RRM2B: variants seen among roughly 807,000 people sequenced by gnomAD.
The protein encoded by RRM2B is ribonucleoside-diphosphate reductase subunit M2 B.
A neutral mutation model predicts 45.9 loss-of-function variants in RRM2B; 20 were observed. The ratio of observed to expected loss-of-function variants is 0.44; its 90% CI spans 0.31 to 0.63. The LOEUF (loss-of-function observed/expected upper bound fraction) is 0.63, where lower values mean the gene tolerates loss of function less well. Ranked by LOEUF, RRM2B falls within the 30% of genes least tolerant of loss-of-function variation. The pLI, the probability that RRM2B is intolerant of heterozygous loss-of-function variation, is 0.09. For synonymous variants in RRM2B, 124 were observed against 132.3 expected (o/e 0.94, Z 0.43); for missense variants, 320 against 414.7 (o/e 0.77, Z 1.98).
chr8:102,219,078 C>A (rs1810783549), intron 5 of RRM2B, 131 bp from the exon 6 acceptor site: 1 of 940,308 alleles, frequency 1.1e-6, no homozygotes, highest in African/African-American at 1.7e-5. Context: ...AGTGCCATGG[C>A]CAAAGATCTC....
rs886062563 is a variant in RRM2B at position 102,205,519 on chromosome 8, AT to A, written c.*2613del. ...CAAAACCCAGTCCTGTCTAAAAGCAATGGATCAAACTGTCTTCTCAAGTCCT... is the reference window on the plus strand; with the variant it reads ...CAAAACCCAGTCCTGTCTAAAAGCAAGGATCAAACTGTCTTCTCAAGTCCT... On this transcript the variant is annotated 3_prime_UTR_variant, in exon 9 of 9. Coordinates refer to ENST00000251810, the MANE Select transcript of RRM2B (RefSeq NM_015713.5). 4 of 152,160 alleles carry A rather than the reference AT, an allele frequency of 2.6e-5. No individual in the cohort carries two copies. Among genetic ancestry groups the A allele is most frequent in the Non-Finnish European group, 5.9e-5 (4 of 67,976 alleles). 9.4% of individuals were successfully genotyped at this position (152,160 alleles called of 1,614,324 possible).
intron 2 of RRM2B, among the ~76,000 whole-genome samples, chr8:102,231,099 G>A (rs139916306): frequency 1.2e-4 from 19 of 152,170 alleles, no homozygotes; most frequent in Non-Finnish European, 2.2e-4. Context: ...AACATATACA[G>A]AACAAGAGTG....
intron 5 of RRM2B, among the ~76,000 whole-genome samples, chr8:102,220,577 T>A (rs560792917): frequency 6.6e-6 from 1 of 152,308 alleles, no homozygotes; most frequent in South Asian, 2.1e-4. Flanking sequence ...TAGCTGGGAC[T>A]ACAGGCGTGC....
At chr8:102,235,485 G>A (rs1811103433) in intron 1 of RRM2B, among the ~76,000 whole-genome samples, 2 of 152,188 alleles carry the variant, frequency 1.3e-5, no homozygotes, top group Non-Finnish European at 2.9e-5. Context: ...CACCAAGCCA[G>A]GCGACAACAA....
At chr8:102,222,047 T>C (rs1300114568) in intron 5 of RRM2B, among the ~76,000 whole-genome samples, 2 of 152,114 alleles carry the variant, frequency 1.3e-5, no homozygotes, top group Non-Finnish European at 2.9e-5. Context: ...TTTACATATA[T>C]TGAGAACCAG....
intron 5 of RRM2B, chr8:102,219,149 C>G: frequency 3.4e-6 from 2 of 589,128 alleles, no homozygotes; most frequent in Non-Finnish European, 6.0e-6. Flanking sequence ...CCTTCAAATC[C>G]TCTGTCAGAC....
intron 6 of RRM2B, among the ~76,000 whole-genome samples, chr8:102,215,418 G>A (rs113261897): frequency 2.0e-5 from 3 of 149,224 alleles, no homozygotes; most frequent in African/African-American, 4.9e-5. Context: ...AAAAAAAAAA[G>A]GAAGAAAGAA....
intron 5 of RRM2B, among the ~76,000 whole-genome samples, chr8:102,220,568 A>T (rs1487365872): frequency 6.6e-6 from 1 of 152,174 alleles, no homozygotes; most frequent in Non-Finnish European, 1.5e-5. Context: ...CCTCTGACGT[A>T]GCTGGGACTA....
At chr8:102,238,580 G>T (rs780954366) in intron 1 of RRM2B, 2 of 1,524,742 alleles carry the variant, frequency 1.3e-6, no homozygotes, top group African/African-American at 1.4e-5. Context: ...GCCTCCAAGC[G>T]TCGTCCTTGG....
chr8:102,227,794 C>T (rs1810958827), intron 2 of RRM2B, among the ~76,000 whole-genome samples: 1 of 152,146 alleles, frequency 6.6e-6, no homozygotes, highest in South Asian at 2.1e-4. Flanking sequence ...CAGATGGCCA[C>T]CTTCTTGCTG....
intron 1 of RRM2B, 89 bp from the exon 2 acceptor site, chr8:102,232,393 C>T (rs28999694): frequency 4.2e-4 from 575 of 1,359,864 alleles, no homozygotes; most frequent in Non-Finnish European, 5.5e-4. Flanking sequence ...GTCAGGGAGA[C>T]GGCATTGGTT....
intron 7 of RRM2B, 34 bp downstream of exon 7, chr8:102,214,020 G>A: frequency 7.5e-7 from 1 of 1,329,500 alleles, no homozygotes; most frequent in Non-Finnish European, 1.1e-6. Flanking sequence ...CAGAGAAAGA[G>A]AGATGTGCTA....
At chr8:102,217,516 G>A (rs999375656) in intron 6 of RRM2B, among the ~76,000 whole-genome samples, 4 of 152,058 alleles carry the variant, frequency 2.6e-5, no homozygotes, top group African/African-American at 4.8e-5. Flanking sequence ...CTAACAAAAC[G>A]GTTAAGTTTT....
chr8:102,237,319 C>CA (rs1811137858), intron 1 of RRM2B, among the ~76,000 whole-genome samples: 2 of 152,226 alleles, frequency 1.3e-5, no homozygotes, highest in Non-Finnish European at 1.5e-5. Context: ...AAAGCCCCTT[C>CA]TAGTCTATCT....
At chr8:102,225,567 T>G (rs1234829966) in intron 3 of RRM2B, among the ~76,000 whole-genome samples, 4 of 152,148 alleles carry the variant, frequency 2.6e-5, no homozygotes, top group Non-Finnish European at 5.9e-5. Flanking sequence ...AAATTATGCC[T>G]CCTGATCAAC....
intron 8 of RRM2B, among the ~76,000 whole-genome samples, chr8:102,208,914 C>A (rs1587166158): frequency 6.6e-6 from 1 of 152,086 alleles, no homozygotes; most frequent in Admixed American, 6.6e-5. Context: ...TTTGGGAGGC[C>A]GAGGTAGGTG....
intron 1 of RRM2B, among the ~76,000 whole-genome samples, chr8:102,235,187 A>G (rs895177011): frequency 6.6e-6 from 1 of 152,222 alleles, no homozygotes; most frequent in African/African-American, 2.4e-5. Flanking sequence ...GAACAATGAA[A>G]AGATTATTGT....
At chr8:102,209,297 T>C (rs1810596893) in intron 8 of RRM2B, among the ~76,000 whole-genome samples, 1 of 152,132 alleles carries the variant, frequency 6.6e-6, no homozygotes, top group South Asian at 2.1e-4. Context: ...GATAAACATA[T>C]ATTCAAGTAA....
chr8:102,207,903 C>T lies in RRM2B; in HGVS notation c.*230G>A. 3 of 469,698 alleles carry T rather than the reference C, an allele frequency of 6.4e-6. No homozygotes were observed. Among genetic ancestry groups the T allele is most frequent in the Non-Finnish European group, 1.2e-5 (3 of 259,928 alleles). The allele number at this position is 469,698 out of a possible 1,614,324, so 29.1% of individuals were successfully genotyped here. A position where few individuals can be genotyped will look rare whatever the true frequency, so the allele number is the denominator to read the frequency against. On this transcript the variant is annotated 3_prime_UTR_variant, in exon 9 of 9. Coordinates refer to ENST00000251810, the MANE Select transcript of RRM2B (RefSeq NM_015713.5). ...TGACCCCTCGCCCCATGCTCTTAACCACATAATGCCATCTTTTATTTCAGT... is the reference window on the plus strand; with the variant it reads ...TGACCCCTCGCCCCATGCTCTTAACTACATAATGCCATCTTTTATTTCAGT...
Sources: gnomAD v4.1 joint callset for allele counts (sites outside exome capture counted in the v4.1 genomes callset) on GRCh38, gnomAD v4.1.1 for gene constraint, MANE v1.5 for transcripts, NCBI Gene and HGNC (gene_info 2026-07-23, HGNC 2026-07-21) for gene names.